The following EXOC4 variants were observed in gnomAD, a reference collection of about 807,000 sequenced individuals.
EXOC4 encodes the protein exocyst complex component 4, also known as SEC8-like 1.
EXOC4 carries 71 observed loss-of-function variants against 107.2 expected under a neutral mutation model. That is an observed-to-expected ratio of 0.66 (90% confidence interval 0.55 to 0.81). The LOEUF (loss-of-function observed/expected upper bound fraction) is 0.81. Ranked by LOEUF, EXOC4 falls within the 30% of genes least tolerant of loss-of-function variation. The pLI, the probability that EXOC4 is intolerant of heterozygous loss-of-function variation, is 0.00. For synonymous variants in EXOC4, 456 were observed against 441.2 expected (o/e 1.03, Z -0.42); for missense variants, 1,108 against 1,189.6 (o/e 0.93, Z 1.01).
At chr7:133,940,373 T>A (rs2116739011) in intron 14 of EXOC4, among the ~76,000 whole-genome samples, 1 of 152,332 alleles carries the variant, frequency 6.6e-6, no homozygotes, top group African/African-American at 2.4e-5. Context: ...TCATCTCTGT[T>A]ATTCTGACAA....
intron 10 of EXOC4, among the ~76,000 whole-genome samples, chr7:133,716,805 T>TGGG (rs1380443486): frequency 1.3e-5 from 2 of 152,040 alleles, no homozygotes; most frequent in Non-Finnish European, 2.9e-5. Flanking sequence ...CAAGGTGTGG[T>TGGG]GGTGCGCACC....
intron 7 of EXOC4, among the ~76,000 whole-genome samples, chr7:133,438,625 A>G (rs1282309761): frequency 6.6e-6 from 1 of 152,212 alleles, no homozygotes; most frequent in African/African-American, 2.4e-5. Flanking sequence ...CTAGATATGA[A>G]GAGCCAAACA....
chr7:133,804,614 C>G (rs898667036), intron 10 of EXOC4, among the ~76,000 whole-genome samples: 3 of 152,100 alleles, frequency 2.0e-5, no homozygotes, highest in African/African-American at 7.2e-5. Flanking sequence ...ACAATATATA[C>G]TATAATTTTA....
chr7:133,423,879 G>A (rs1797660786), intron 7 of EXOC4, among the ~76,000 whole-genome samples: 1 of 152,206 alleles, frequency 6.6e-6, no homozygotes. Flanking sequence ...AGGGGGACGA[G>A]CTCCCTCTGG....
intron 10 of EXOC4, among the ~76,000 whole-genome samples, chr7:133,692,593 T>G (rs1585082579): frequency 6.6e-6 from 1 of 152,328 alleles, no homozygotes; most frequent in East Asian, 1.9e-4. Context: ...TGATTCCACT[T>G]CCATAATCTC....
intron 7 of EXOC4, among the ~76,000 whole-genome samples, chr7:133,460,453 AC>A (rs1374859601): frequency 6.6e-6 from 1 of 152,196 alleles, no homozygotes; most frequent in Non-Finnish European, 1.5e-5. Context: ...CATTTGATTA[AC>A]CTTTTAAATT....
At chr7:133,399,767 G>A (rs1007577233) in intron 7 of EXOC4, among the ~76,000 whole-genome samples, 21 of 152,238 alleles carry the variant, frequency 1.4e-4, no homozygotes, top group African/African-American at 4.3e-4. Context: ...TTAGACATAA[G>A]TGTAGGCTTT....
chr7:133,705,990 G>A lies in EXOC4; in HGVS notation c.1514+75849G>A, dbSNP rs117193895. 1.8e-3 allele frequency among the ~76,000 whole-genome samples: 274 copies of A among 152,298 alleles called. 6 individuals are homozygous for A. In the East Asian group the frequency reaches 0.044, roughly 24 times the overall value. ...TATTTTAATTTGTTTATTAAACTTC[G>A]TTTCTACTAGAAGCAGACAGCATTT... On this transcript the variant is annotated intron_variant, in intron 10 of 17. Coordinates refer to ENST00000253861, the MANE Select transcript of EXOC4 (RefSeq NM_021807.4).
At chr7:134,083,376 T>A in the EXOC4 span, among the ~76,000 whole-genome samples, 6 of 152,220 alleles carry the variant, frequency 3.9e-5, no homozygotes, top group Non-Finnish European at 5.9e-5. Context: ...GGCTCCCTGT[T>A]CTGGTTATTT....
chr7:133,621,036 C>T (rs1802316574), intron 9 of EXOC4, among the ~76,000 whole-genome samples: 1 of 152,148 alleles, frequency 6.6e-6, no homozygotes, highest in South Asian at 2.1e-4. Context: ...CTTCCTAGAA[C>T]ATGCCATTTT....
chr7:133,389,207 A>G (rs1189295916), intron 7 of EXOC4, among the ~76,000 whole-genome samples: 4 of 152,178 alleles, frequency 2.6e-5, no homozygotes, highest in Non-Finnish European at 5.9e-5. Context: ...GGCAGGGAAA[A>G]GAAAGGCAAT....
At chr7:133,874,750 C>G (rs558787382) in intron 11 of EXOC4, among the ~76,000 whole-genome samples, 6 of 152,362 alleles carry the variant, frequency 3.9e-5, no homozygotes, top group African/African-American at 1.4e-4. Flanking sequence ...CTGCATCTAA[C>G]CAGACTTCCT....
chr7:133,452,906 T>C (rs2150811081), intron 7 of EXOC4, among the ~76,000 whole-genome samples: 1 of 152,282 alleles, frequency 6.6e-6, no homozygotes, highest in South Asian at 2.1e-4. Context: ...TTGTTCCATG[T>C]GAAAAGGGCC....
At chr7:133,637,612 T>A (rs997071760) in intron 10 of EXOC4, among the ~76,000 whole-genome samples, 1 of 152,254 alleles carries the variant, frequency 6.6e-6, no homozygotes, top group African/African-American at 2.4e-5. Context: ...AACACAGCCA[T>A]TTTTCCCCCT....
chr7:133,518,687 T>C (rs1309418456), intron 9 of EXOC4, among the ~76,000 whole-genome samples: 1 of 152,192 alleles, frequency 6.6e-6, no homozygotes, highest in Non-Finnish European at 1.5e-5. Context: ...TTCTAACACA[T>C]GCTACAACAT....
chr7:133,656,540 A>G (rs968160370), intron 10 of EXOC4, among the ~76,000 whole-genome samples: 2 of 152,154 alleles, frequency 1.3e-5, no homozygotes, highest in Admixed American at 6.5e-5. Context: ...AATAATGCAA[A>G]TGAGACAACA....
At chr7:133,263,872 C>T (rs1793646701) in intron 1 of EXOC4, among the ~76,000 whole-genome samples, 1 of 152,114 alleles carries the variant, frequency 6.6e-6, no homozygotes, top group Admixed American at 6.6e-5. Context: ...CTCCCCTAGA[C>T]ACTTTAACAA....
intron 7 of EXOC4, among the ~76,000 whole-genome samples, chr7:133,418,949 G>A (rs1797541134): frequency 6.6e-6 from 1 of 152,168 alleles, no homozygotes. Context: ...TTGTAAGGAT[G>A]ACAGATAATT....
chr7:133,984,694 G>A (rs1794073191), intron 14 of EXOC4, among the ~76,000 whole-genome samples: 1 of 152,188 alleles, frequency 6.6e-6, no homozygotes, highest in African/African-American at 2.4e-5. Flanking sequence ...GGCAAATACA[G>A]TGCAAGATGA....
Sources: allele counts gnomAD v4.1 joint callset (sites outside exome capture counted in the v4.1 genomes callset), GRCh38; gene constraint gnomAD v4.1.1; transcripts MANE v1.5; gene names NCBI Gene and HGNC (gene_info 2026-07-23, HGNC 2026-07-21).